CCDC6: variants seen among roughly 807,000 people sequenced by gnomAD.
CCDC6 encodes the protein coiled-coil domain containing 6, also known as coiled-coil domain-containing protein 6.
Under a neutral mutation model 56.6 loss-of-function variants are expected in CCDC6, and 20 were observed. That is an observed-to-expected ratio of 0.35 (90% confidence interval 0.25 to 0.51). CCDC6 has a LOEUF of 0.51. CCDC6 is among the 20% of genes least tolerant of loss of function. The pLI, the probability that CCDC6 is intolerant of heterozygous loss-of-function variation, is 0.95. For missense variants in CCDC6, 367 were observed against 601.1 expected (o/e 0.61, Z 4.07); for synonymous variants, 241 against 234.4 (o/e 1.03, Z -0.26).
chr10:59,794,739 G>A (rs2070498676), intron 7 of CCDC6, 142 bp from the exon 8 acceptor site: 1 of 659,282 alleles, frequency 1.5e-6, no homozygotes, highest in South Asian at 1.9e-5. Flanking sequence ...CTCACTAAAT[G>A]GTGTGGATAA....
At chr10:59,894,126 C>A (rs775790263) in intron 1 of CCDC6, among the ~76,000 whole-genome samples, 3 of 152,184 alleles carry the variant, frequency 2.0e-5, no homozygotes, top group African/African-American at 7.2e-5. Context: ...TAACAAGATA[C>A]CTGCCTTCAA....
At chr10:59,834,923 C>T (rs1365971798) in intron 2 of CCDC6, among the ~76,000 whole-genome samples, 1 of 152,216 alleles carries the variant, frequency 6.6e-6, no homozygotes, top group Non-Finnish European at 1.5e-5. Context: ...TCATCTGCGC[C>T]TAAGGCTTTC....
intron 1 of CCDC6, among the ~76,000 whole-genome samples, chr10:59,901,806 C>T (rs7914022): frequency 0.19 from 28,378 of 152,016 alleles, 2,976 homozygotes; most frequent in African/African-American, 0.27. Flanking sequence ...CTAAGACCAC[C>T]ACCCCACAAT....
intron 7 of CCDC6, among the ~76,000 whole-genome samples, chr10:59,799,040 G>T (rs1166194691): frequency 6.7e-6 from 1 of 150,190 alleles, no homozygotes; most frequent in Non-Finnish European, 1.5e-5. Context: ...TTCAAATAGG[G>T]GATTCAGTTC....
intron 1 of CCDC6, among the ~76,000 whole-genome samples, chr10:59,877,213 A>G (rs1458918066): frequency 6.6e-6 from 1 of 152,194 alleles, no homozygotes; most frequent in Non-Finnish European, 1.5e-5. Flanking sequence ...ATGGCAAAAC[A>G]AACATCCTCC....
At chr10:59,828,201 T>C (rs752531400) in intron 3 of CCDC6, among the ~76,000 whole-genome samples, 61 of 152,206 alleles carry the variant, frequency 4.0e-4, no homozygotes, top group Non-Finnish European at 6.2e-4. Flanking sequence ...ATAAGAGATG[T>C]ATAGTGACCA....
chr10:59,898,596 T>C (rs538558675), intron 1 of CCDC6, among the ~76,000 whole-genome samples: 19 of 152,322 alleles, frequency 1.2e-4, no homozygotes, highest in South Asian at 1.0e-3. Context: ...TGTTTCCCTC[T>C]GCTCTGTATT....
chr10:59,840,418 A>G (rs1050339198), intron 2 of CCDC6, among the ~76,000 whole-genome samples: 4 of 152,110 alleles, frequency 2.6e-5, no homozygotes, highest in Non-Finnish European at 5.9e-5. Context: ...CATATGGTGC[A>G]TATCTCTTCT....
intron 1 of CCDC6, among the ~76,000 whole-genome samples, chr10:59,862,516 TACACACACACACACACACACACAC>T (rs60162547): frequency 2.8e-4 from 27 of 97,148 alleles, no homozygotes; most frequent in Admixed American, 6.3e-4. Context: ...TATATATATA[TACACACACACACACACACACACAC>T]ACACACACAC....
chr10:59,889,038 A>G (rs1317636624), intron 1 of CCDC6, among the ~76,000 whole-genome samples: 1 of 151,920 alleles, frequency 6.6e-6, no homozygotes, highest in Non-Finnish European at 1.5e-5. Context: ...GGGGCCCTTG[A>G]ATATCAGGGG....
intron 1 of CCDC6, among the ~76,000 whole-genome samples, chr10:59,869,326 C>A (rs1465264784): frequency 2.1e-5 from 3 of 143,454 alleles, no homozygotes; most frequent in African/African-American, 7.7e-5. Flanking sequence ...CATAATCGAC[C>A]CCAAACACCT....
chr10:59,791,688 C>G lies in CCDC6; in HGVS notation c.*1229G>C, dbSNP rs1026365571. On this transcript the variant is annotated 3_prime_UTR_variant, in exon 9 of 9. Coordinates refer to ENST00000263102, the MANE Select transcript of CCDC6 (RefSeq NM_005436.5). ...ATCACTTTACTACCAAAGTACAAAA[C>G]AGCAACTGCTGAAAAACAAAAATTA... The G allele has an allele frequency of 1.9e-5, 4 of 211,600 alleles. No individual in the cohort carries two copies. The highest frequency in any genetic ancestry group is 9.1e-5 in the African/African-American group (4 of 44,164). 13.1% of individuals were successfully genotyped at this position (211,600 alleles called of 1,614,324 possible). A position where few individuals can be genotyped will look rare whatever the true frequency, so the allele number is the denominator to read the frequency against.
At chr10:59,899,628 C>T (rs1360434854) in intron 1 of CCDC6, among the ~76,000 whole-genome samples, 1 of 152,154 alleles carries the variant, frequency 6.6e-6, no homozygotes, top group African/African-American at 2.4e-5. Context: ...AGAGTTGTTT[C>T]CCAGTGGTGC....
At chr10:59,879,441 T>G (rs527518452) in intron 1 of CCDC6, among the ~76,000 whole-genome samples, 1 of 152,190 alleles carries the variant, frequency 6.6e-6, no homozygotes, top group Non-Finnish European at 1.5e-5. Context: ...TATTACAAAC[T>G]AATCTGACAC....
At chr10:59,794,440 T>G (rs1422316847) in intron 8 of CCDC6, 33 bp downstream of exon 8, 1 of 1,610,686 alleles carries the variant, frequency 6.2e-7, no homozygotes, top group South Asian at 1.1e-5. Context: ...CTTTCAGGAG[T>G]AAAGTGCTGC....
intron 1 of CCDC6, among the ~76,000 whole-genome samples, chr10:59,877,822 A>G (rs1164678845): frequency 1.3e-5 from 2 of 152,222 alleles, no homozygotes; most frequent in African/African-American, 2.4e-5. Flanking sequence ...TCATCAGGGT[A>G]ACCAGAGCCA....
At chr10:59,893,447 A>G (rs950717247) in intron 1 of CCDC6, among the ~76,000 whole-genome samples, 2 of 152,102 alleles carry the variant, frequency 1.3e-5, no homozygotes, top group Non-Finnish European at 2.9e-5. Flanking sequence ...AAAAAAATCC[A>G]AGAAACAAAT....
In CCDC6 at chr10:59,832,663, G is replaced by A. The variant is rs2070843971; in HGVS notation, c.454-10C>T. 6.2e-7 allele frequency: 1 copy of A among 1,610,364 alleles called. No homozygotes were observed. Among genetic ancestry groups the A allele is most frequent in the South Asian group, 1.1e-5 (1 of 90,202 alleles). On this transcript the variant is annotated splice_polypyrimidine_tract_variant and intron_variant, in intron 2 of 8. Transcript: ENST00000263102. ...CTTTCTCATGCTGCAACTGGAAAAT[G>A]AAAAACACCGAGATGTGGAAATCAG... is the stretch of plus-strand genomic sequence containing the variant.
At chr10:59,830,141 G>T (rs2070823634) in intron 3 of CCDC6, among the ~76,000 whole-genome samples, 1 of 152,156 alleles carries the variant, frequency 6.6e-6, no homozygotes, top group Non-Finnish European at 1.5e-5. Flanking sequence ...CCTTCAAGTG[G>T]CTTATAGTTT....
Sources: allele counts gnomAD v4.1 joint callset (sites outside exome capture counted in the v4.1 genomes callset), GRCh38; gene constraint gnomAD v4.1.1; transcripts MANE v1.5; gene names NCBI Gene and HGNC (gene_info 2026-07-23, HGNC 2026-07-21).